Variants in WWTR1 observed in about 807,000 individuals in gnomAD.
WWTR1 encodes WW domain-containing transcription regulator protein 1.
A neutral mutation model predicts 40.1 loss-of-function variants in WWTR1; 13 were observed. The ratio of observed to expected loss-of-function variants is 0.32; its 90% confidence interval spans 0.21 to 0.52. The LOEUF (loss-of-function observed/expected upper bound fraction) is 0.52, where lower values mean the gene tolerates loss of function less well. Ranked by LOEUF, WWTR1 falls within the 20% of genes least tolerant of loss-of-function variation. WWTR1 has a pLI of 0.97. For missense variants in WWTR1, 436 were observed against 523.1 expected (o/e 0.83, Z 1.63); for synonymous variants, 230 against 210.1 (o/e 1.09, Z -0.82).
intron 2 of WWTR1, among the ~76,000 whole-genome samples, chr3:149,630,689 A>T (rs1466924343): frequency 2.6e-5 from 4 of 152,194 alleles, no homozygotes; most frequent in Non-Finnish European, 5.9e-5. Context: ...ATCAATAGGA[A>T]GCAGAGTCAC....
intron 4 of WWTR1, among the ~76,000 whole-genome samples, chr3:149,721,841 G>A (rs1715764981): frequency 6.6e-6 from 1 of 152,198 alleles, no homozygotes; most frequent in African/African-American, 2.4e-5. Context: ...TGAGACTACA[G>A]TTGCATGCCA....
At position 149,518,368 on chromosome 3, in the gene WWTR1, T is replaced by C. The variant is rs1401481819; in HGVS notation, c.*2437A>G. 1 of 152,106 alleles carries C rather than the reference T, an allele frequency of 6.6e-6. No homozygotes were observed. The highest frequency in any genetic ancestry group is 1.9e-4 in the East Asian group (1 of 5,198). The allele number at this position is 152,106 out of a possible 1,614,324, so 9.4% of individuals were successfully genotyped here. On this transcript the variant is annotated 3_prime_UTR_variant, in exon 7 of 7. Transcript: ENST00000360632. ...GGGTATCTGTTTCTCTTACATTTAATAACCTGAAAATGAGTCTATAAAAAT... is the reference window on the plus strand; with the variant it reads ...GGGTATCTGTTTCTCTTACATTTAACAACCTGAAAATGAGTCTATAAAAAT...
intron 3 of WWTR1, among the ~76,000 whole-genome samples, chr3:149,562,152 G>A (rs754083772): frequency 5.9e-5 from 9 of 151,992 alleles, no homozygotes; most frequent in South Asian, 2.1e-4. Flanking sequence ...AAAATTAGCC[G>A]GGCATGGTGG....
chr3:149,600,502 GT>G (rs1028766727), intron 2 of WWTR1, among the ~76,000 whole-genome samples: 4 of 152,098 alleles, frequency 2.6e-5, no homozygotes, highest in Admixed American at 2.6e-4. Flanking sequence ...TCAGTCCTCT[GT>G]CCTTGACACT....
intron 3 of WWTR1, 33 bp from the exon 4 acceptor site, chr3:149,542,570 CA>C: frequency 1.3e-6 from 2 of 1,575,518 alleles, no homozygotes; most frequent in Non-Finnish European, 1.7e-6. Flanking sequence ...GATTAATGAC[CA>C]GGGCCCACAA....
At chr3:149,691,422 T>G (rs1714824049) in intron 1 of WWTR1, among the ~76,000 whole-genome samples, 1 of 148,056 alleles carries the variant, frequency 6.8e-6, no homozygotes, top group South Asian at 2.1e-4. Flanking sequence ...TTAGCCAGAC[T>G]AGGAAAAAAA....
intron 6 of WWTR1, among the ~76,000 whole-genome samples, chr3:149,523,017 G>C (rs2107898572): frequency 6.7e-6 from 1 of 149,598 alleles, no homozygotes; most frequent in South Asian, 2.1e-4. Flanking sequence ...AATGAGCTGA[G>C]ATCACACCAC....
At chr3:149,680,483 G>A (rs1017922367) in intron 1 of WWTR1, among the ~76,000 whole-genome samples, 2 of 152,136 alleles carry the variant, frequency 1.3e-5, no homozygotes, top group Non-Finnish European at 2.9e-5. Context: ...GGCGGAGGTT[G>A]CAGTGAGCCA....
At chr3:149,663,533 T>G (rs1457315929) in intron 2 of WWTR1, among the ~76,000 whole-genome samples, 1 of 151,840 alleles carries the variant, frequency 6.6e-6, no homozygotes, top group African/African-American at 2.4e-5. Flanking sequence ...CCGTTTCTAC[T>G]AAAAATACAA....
At chr3:149,611,257 G>C (rs1473588399) in intron 2 of WWTR1, among the ~76,000 whole-genome samples, 1 of 152,182 alleles carries the variant, frequency 6.6e-6, no homozygotes, top group Non-Finnish European at 1.5e-5. Flanking sequence ...AAGCTGCGTA[G>C]CAAGACAATG....
intron 1 of WWTR1, among the ~76,000 whole-genome samples, chr3:149,692,704 G>C (rs1217322941): frequency 6.6e-6 from 1 of 152,154 alleles, no homozygotes; most frequent in Non-Finnish European, 1.5e-5. Flanking sequence ...TGCGATCTCA[G>C]CTCACTGCAA....
At chr3:149,696,698 G>T (rs1015021136) in intron 1 of WWTR1, among the ~76,000 whole-genome samples, 2 of 152,148 alleles carry the variant, frequency 1.3e-5, no homozygotes, top group African/African-American at 4.8e-5. Flanking sequence ...CTTGACTCAG[G>T]CTGCTATGGG....
intron 3 of WWTR1, among the ~76,000 whole-genome samples, chr3:149,570,829 A>G (rs1354192316): frequency 6.6e-6 from 1 of 152,266 alleles, no homozygotes; most frequent in Non-Finnish European, 1.5e-5. Context: ...TAATTAGTCC[A>G]CTTCCTACAT....
chr3:149,701,817 G>C (rs1248450726), intron 1 of WWTR1: 1 of 176,156 alleles, frequency 5.7e-6, no homozygotes, highest in Non-Finnish European at 1.2e-5. Context: ...CTTGCCTTCT[G>C]GGGAGGCGGT....
intron 4 of WWTR1, among the ~76,000 whole-genome samples, chr3:149,722,482 G>C (rs1715777079): frequency 6.6e-6 from 1 of 151,534 alleles, no homozygotes; most frequent in African/African-American, 2.4e-5. Context: ...TTGTCTCTAG[G>C]TACATTGTAA....
At chr3:149,522,699 G>A (rs4681523) in intron 6 of WWTR1, among the ~76,000 whole-genome samples, 142,756 of 152,118 alleles carry the variant, frequency 0.94, 67,040 homozygotes, top group East Asian at 1. Context: ...TTAACTTTCA[G>A]ATACTCAAGA....
intron 3 of WWTR1, among the ~76,000 whole-genome samples, chr3:149,554,948 T>C (rs969297046): frequency 1.3e-5 from 2 of 152,234 alleles, no homozygotes; most frequent in South Asian, 2.1e-4. Flanking sequence ...GGTTGGGCAA[T>C]AGCAGTACAA....
At chr3:149,607,341 G>A (rs1416717341) in intron 2 of WWTR1, among the ~76,000 whole-genome samples, 1 of 152,134 alleles carries the variant, frequency 6.6e-6, no homozygotes, top group Non-Finnish European at 1.5e-5. Context: ...TTGAGACAGA[G>A]TTTCACTCTG....
chr3:149,542,580 A>G (rs368530954), intron 3 of WWTR1, 43 bp from the exon 4 acceptor site: 100 of 1,543,190 alleles, frequency 6.5e-5, no homozygotes, highest in Middle Eastern at 5.2e-4. Flanking sequence ...CAGGGCCCAC[A>G]ATACCTTATC....
Sources: allele counts gnomAD v4.1 joint callset (sites outside exome capture counted in the v4.1 genomes callset), GRCh38; gene constraint gnomAD v4.1.1; transcripts MANE v1.5; gene names NCBI Gene and HGNC (gene_info 2026-07-23, HGNC 2026-07-21).